Variants in HTR4 observed in about 807,000 individuals in gnomAD.
HTR4 encodes the protein 5-hydroxytryptamine receptor 4.
HTR4 carries 16 observed loss-of-function variants against 36.8 expected under a neutral mutation model. The observed-to-expected ratio is 0.43, with a 90% CI of 0.29 to 0.66. The LOEUF (loss-of-function observed/expected upper bound fraction) is 0.66. Among genes scored for constraint, HTR4 ranks in the 30% least tolerant of loss-of-function variants. The pLI is 0.13. For missense variants in HTR4, 438 were observed against 490.9 expected, an observed-to-expected ratio of 0.89 and a Z score of 1.02; for synonymous variants, 189 against 185.1, an observed-to-expected ratio of 1.02 and a Z score of -0.17.
intron 5 of HTR4, among the ~76,000 whole-genome samples, chr5:148,518,321 T>C (rs1178245173): frequency 1.3e-5 from 2 of 152,154 alleles, no homozygotes; most frequent in African/African-American, 4.8e-5. Context: ...TGGGTCATTG[T>C]CTATACTGTT....
intron 4 of HTR4, among the ~76,000 whole-genome samples, chr5:148,528,537 G>A (rs1265924316): frequency 4.4e-5 from 6 of 135,302 alleles, no homozygotes; most frequent in Non-Finnish European, 3.4e-5. Context: ...TGCAAATTAA[G>A]TAGGTGAAAA....
intron 5 of HTR4, among the ~76,000 whole-genome samples, chr5:148,518,715 T>G (rs1427570667): frequency 6.6e-6 from 1 of 152,186 alleles, no homozygotes; most frequent in African/African-American, 2.4e-5. Context: ...CCTTGCTCAC[T>G]GCTGTCTGTA....
chr5:148,622,030 C>A (rs144507183), intron 2 of HTR4, among the ~76,000 whole-genome samples: 4 of 152,114 alleles, frequency 2.6e-5, no homozygotes, highest in African/African-American at 9.7e-5. Flanking sequence ...CAGCTTTGAC[C>A]GGTATCCAAA....
intron 2 of HTR4, among the ~76,000 whole-genome samples, chr5:148,558,802 C>A (rs1251074327): frequency 6.6e-6 from 1 of 152,112 alleles, no homozygotes; most frequent in Non-Finnish European, 1.5e-5. Flanking sequence ...ATTGCCATAG[C>A]CTTGGAAAAG....
intron 6 of HTR4, chr5:148,490,643 G>A: frequency 8.5e-7 from 1 of 1,174,032 alleles, no homozygotes; most frequent in South Asian, 1.7e-5. Context: ...AGTTCTTCCA[G>A]TTACTGATAT....
chr5:148,560,189 C>T (rs1208135091), intron 2 of HTR4, among the ~76,000 whole-genome samples: 18 of 120,466 alleles, frequency 1.5e-4, no homozygotes, highest in Admixed American at 1.2e-3. Context: ...TTCTTTTTTA[C>T]GGAAAGCTTT....
intron 5 of HTR4, among the ~76,000 whole-genome samples, chr5:148,453,235 T>A (rs527545091): frequency 1.3e-5 from 2 of 152,310 alleles, no homozygotes; most frequent in African/African-American, 4.8e-5. Flanking sequence ...ATCAGGTTCA[T>A]CTGGACAGTC....
At chr5:148,636,860 A>T (rs1386113593) in intron 2 of HTR4, 129 bp downstream of exon 2, 8 of 617,784 alleles carry the variant, frequency 1.3e-5, no homozygotes, top group Non-Finnish European at 2.0e-5. Context: ...TGTGAACATG[A>T]TTATATATGA....
At chr5:148,611,552 G>A (rs1272071424) in intron 2 of HTR4, among the ~76,000 whole-genome samples, 7 of 140,690 alleles carry the variant, frequency 5.0e-5, no homozygotes, top group Non-Finnish European at 6.2e-5. Flanking sequence ...AGGAACAACC[G>A]GTACCAGCCA....
At chr5:148,514,938 T>C (rs1166188573) in intron 5 of HTR4, among the ~76,000 whole-genome samples, 1 of 152,100 alleles carries the variant, frequency 6.6e-6, no homozygotes, top group African/African-American at 2.4e-5. Flanking sequence ...GGTCCTCTCT[T>C]ACAAGCAGCA....
At chr5:148,569,883 T>C (rs1760606311) in intron 2 of HTR4, among the ~76,000 whole-genome samples, 1 of 152,084 alleles carries the variant, frequency 6.6e-6, no homozygotes, top group Non-Finnish European at 1.5e-5. Flanking sequence ...GATGGGAGAC[T>C]TCTTCATTCA....
At chr5:148,598,057 T>C (rs76644589) in intron 2 of HTR4, among the ~76,000 whole-genome samples, 18,835 of 152,076 alleles carry the variant, frequency 0.12, 1,272 homozygotes, top group African/African-American at 0.16. Flanking sequence ...GAAGAAAAGG[T>C]TTATCTGGGA....
chr5:148,505,946 G>A (rs1304677125), intron 6 of HTR4, among the ~76,000 whole-genome samples: 2 of 152,110 alleles, frequency 1.3e-5, no homozygotes, highest in East Asian at 3.9e-4. Context: ...TGGCCATACT[G>A]CCCAAGGTAA....
At chr5:148,496,544 C>G (rs2113745259) in intron 6 of HTR4, among the ~76,000 whole-genome samples, 1 of 152,270 alleles carries the variant, frequency 6.6e-6, no homozygotes, top group South Asian at 2.1e-4. Context: ...AAGTGCTGTC[C>G]TAACGTAAAA....
At chr5:148,580,235 C>T (rs1001551909) in intron 2 of HTR4, among the ~76,000 whole-genome samples, 1 of 152,048 alleles carries the variant, frequency 6.6e-6, no homozygotes, top group Admixed American at 6.6e-5. Context: ...GTTTTCATTA[C>T]TTCATTGTCC....
intron 2 of HTR4, among the ~76,000 whole-genome samples, chr5:148,636,407 T>C (rs970440974): frequency 1.3e-5 from 2 of 152,208 alleles, no homozygotes; most frequent in Non-Finnish European, 2.9e-5. Flanking sequence ...CTTTGTACTA[T>C]TTGATTGTGC....
At chr5:148,635,006 C>T (rs1359487402) in intron 2 of HTR4, among the ~76,000 whole-genome samples, 1 of 151,910 alleles carries the variant, frequency 6.6e-6, no homozygotes, top group Non-Finnish European at 1.5e-5. Context: ...GCATAATACC[C>T]TTGTGATTTT....
intron 1 of HTR4, among the ~76,000 whole-genome samples, chr5:148,638,969 C>A (rs1753640290): frequency 6.6e-6 from 1 of 151,978 alleles, no homozygotes; most frequent in Non-Finnish European, 1.5e-5. Flanking sequence ...ATCACCTGAG[C>A]CCAGGAGGTT....
chr5:148,496,226 C>T lies in HTR4; in HGVS notation c.1077-12933G>A, dbSNP rs74412669. 3.6e-4 allele frequency among the ~76,000 whole-genome samples: 55 copies of T among 152,206 alleles called. 1 individual carries two copies. In the East Asian group the frequency reaches 8.7e-3, roughly 24 times the overall value. On this transcript the variant is annotated intron_variant, in intron 6 of 6. Coordinates refer to ENST00000377888, the MANE Select transcript of HTR4 (RefSeq NM_000870.7). ...AAAGTCTAGGACCATGGCTCTAAACCGTTAATATGCATAACAGTCATGTTA... is the reference window on the plus strand; with the variant it reads ...AAAGTCTAGGACCATGGCTCTAAACTGTTAATATGCATAACAGTCATGTTA...
Sources: allele counts gnomAD v4.1 joint callset (sites outside exome capture counted in the v4.1 genomes callset), GRCh38; gene constraint gnomAD v4.1.1; transcripts MANE v1.5; gene names NCBI Gene and HGNC (gene_info 2026-07-23, HGNC 2026-07-21).